The following NPFFR2 variants were observed in gnomAD, a reference collection of about 807,000 sequenced individuals.
NPFFR2 encodes the protein neuropeptide FF receptor 2, also known as G-protein coupled receptor 74.
In NPFFR2, 15 loss-of-function variants were observed where a neutral mutation model predicts 13.1. The ratio of observed to expected loss-of-function variants is 1.15; its 90% CI spans 0.77 to 1.76. NPFFR2 has a LOEUF of 1.76. NPFFR2 is among the 40% of genes most tolerant of loss of function. The pLI, the probability that NPFFR2 is intolerant of heterozygous loss-of-function variation, is 0.00. For synonymous variants in NPFFR2, 190 were observed against 175.7 expected (o/e 1.08, Z -0.65); for missense variants, 572 against 503.5 (o/e 1.14, Z -1.30).
At chr4:72,134,609 A>C (rs972415104) in intron 2 of NPFFR2, among the ~76,000 whole-genome samples, 3 of 152,136 alleles carry the variant, frequency 2.0e-5, no homozygotes, top group Non-Finnish European at 4.4e-5. Flanking sequence ...CTCTCTTATA[A>C]AATGTTTTTC....
At chr4:72,105,056 T>A (rs1343849139) in intron 1 of NPFFR2, among the ~76,000 whole-genome samples, 2 of 121,732 alleles carry the variant, frequency 1.6e-5, no homozygotes, top group Non-Finnish European at 3.8e-5. Flanking sequence ...TTTCTAGGGA[T>A]GTATGTATGC....
chr4:72,123,714 CCCTTCATG>C (rs1721957624), intron 1 of NPFFR2, among the ~76,000 whole-genome samples: 1 of 152,082 alleles, frequency 6.6e-6, no homozygotes, highest in African/African-American at 2.4e-5. Context: ...AATTCAACAG[CCCTTCATG>C]CTAAAAACTC....
intron 1 of NPFFR2, among the ~76,000 whole-genome samples, chr4:72,124,194 A>C (rs535821906): frequency 1.4e-3 from 212 of 152,282 alleles, no homozygotes; most frequent in African/African-American, 4.7e-3. Context: ...ACCTAGGAAT[A>C]CAACTTACAA....
chr4:72,102,596 A>C (rs1038670961), intron 1 of NPFFR2, among the ~76,000 whole-genome samples: 1 of 136,420 alleles, frequency 7.3e-6, no homozygotes, highest in Non-Finnish European at 1.5e-5. Context: ...TCATTGTTCA[A>C]TTCCCACCTA....
chr4:72,057,821 ATAG>A (rs1302008110), intron 1 of NPFFR2, among the ~76,000 whole-genome samples: 2 of 152,008 alleles, frequency 1.3e-5, no homozygotes, highest in African/African-American at 4.8e-5. Context: ...AATGTCATCA[ATAG>A]TAGTACAAAT....
chr4:72,100,709 T>C (rs1721217031), intron 1 of NPFFR2, among the ~76,000 whole-genome samples: 2 of 152,102 alleles, frequency 1.3e-5, no homozygotes, highest in Non-Finnish European at 2.9e-5. Context: ...ATAGTTTCCC[T>C]GTTAATATAA....
At chr4:72,084,854 G>A (rs28416048) in intron 1 of NPFFR2, among the ~76,000 whole-genome samples, 3,968 of 152,102 alleles carry the variant, frequency 0.026, 143 homozygotes, top group African/African-American at 0.079. Context: ...CACAGCACTA[G>A]GCAGCTGGAA....
chr4:72,105,096 A>G (rs368478501), intron 1 of NPFFR2, among the ~76,000 whole-genome samples: 8 of 151,648 alleles, frequency 5.3e-5, no homozygotes, highest in African/African-American at 1.4e-4. Context: ...TGATTTTTCA[A>G]TGTAATATAT....
chr4:72,053,922 T>G (rs1719664609), intron 1 of NPFFR2, among the ~76,000 whole-genome samples: 1 of 151,948 alleles, frequency 6.6e-6, no homozygotes, highest in Non-Finnish European at 1.5e-5. Flanking sequence ...AGGTCTCCTT[T>G]CTCAAATTCC....
At chr4:72,066,462 A>G (rs1720075010) in intron 1 of NPFFR2, among the ~76,000 whole-genome samples, 1 of 152,178 alleles carries the variant, frequency 6.6e-6, no homozygotes, top group African/African-American at 2.4e-5. Flanking sequence ...TCTAGTATCA[A>G]CTTAAAAGTC....
intron 1 of NPFFR2, 67 bp from the exon 2 acceptor site, chr4:72,128,512 TAAACTC>T (rs1337219806): frequency 6.6e-6 from 6 of 904,634 alleles, no homozygotes; most frequent in African/African-American, 1.7e-5. Context: ...GTGTTCCTCT[TAAACTC>T]AGGCACAGAA....
rs1225173931 is a variant in NPFFR2 at position 72,080,134 on chromosome 4, G to GT, written c.-8+47940dup. ...AATTTCTTTTGAAATATAAATACCT[G>GT]TTTTTTGTTGTTGTTGTTGTTGTTT... On this transcript the variant is annotated intron_variant, in intron 1 of 3. Coordinates refer to ENST00000308744, the MANE Select transcript of NPFFR2 (RefSeq NM_004885.3). Among the ~76,000 whole-genome samples the GT allele has an allele frequency of 5.9e-5, 8 of 134,746 alleles. No homozygotes were observed. The East Asian group carries it at 8.3e-4, about 14-fold the overall frequency. 88.4% of individuals were successfully genotyped at this position (134,746 alleles called of 152,430 possible).
At chr4:72,138,609 C>A (rs1420439701) in intron 3 of NPFFR2, among the ~76,000 whole-genome samples, 2 of 152,258 alleles carry the variant, frequency 1.3e-5, no homozygotes, top group East Asian at 3.9e-4. Context: ...TTTATGGCTG[C>A]ATAGTATTCC....
intron 1 of NPFFR2, among the ~76,000 whole-genome samples, chr4:72,101,907 A>T (rs372468182): frequency 3.9e-5 from 6 of 152,112 alleles, no homozygotes; most frequent in African/African-American, 1.2e-4. Flanking sequence ...CAAAATAAAC[A>T]TACAAATATT....
intron 3 of NPFFR2, among the ~76,000 whole-genome samples, chr4:72,141,626 A>T (rs147052940): frequency 2.0e-5 from 3 of 152,124 alleles, no homozygotes; most frequent in African/African-American, 7.2e-5. Context: ...TCTGAGTGAC[A>T]GTTTGTTGTG....
intron 2 of NPFFR2, 131 bp downstream of exon 2, chr4:72,129,050 A>T: frequency 1.5e-6 from 1 of 664,822 alleles, no homozygotes; most frequent in South Asian, 2.1e-5. Context: ...TGATCCAGGC[A>T]CCTGCCCTCA....
At chr4:72,108,482 A>G (rs564031026) in intron 1 of NPFFR2, among the ~76,000 whole-genome samples, 2 of 152,100 alleles carry the variant, frequency 1.3e-5, no homozygotes, top group Admixed American at 1.3e-4. Context: ...AACTCAGTTA[A>G]TATCTTCTTG....
intron 1 of NPFFR2, among the ~76,000 whole-genome samples, chr4:72,110,807 A>G (rs555118265): frequency 2.0e-5 from 3 of 152,026 alleles, no homozygotes; most frequent in Non-Finnish European, 4.4e-5. Flanking sequence ...AAATCATACA[A>G]TCCTAATAGA....
At chr4:72,042,237 A>G (rs6446804) in intron 1 of NPFFR2, among the ~76,000 whole-genome samples, 135,204 of 151,966 alleles carry the variant, frequency 0.89, 61,286 homozygotes, top group Non-Finnish European at 0.98. Flanking sequence ...GTGAAGAAGG[A>G]AATGTTTGCT....
Sources: allele counts gnomAD v4.1 joint callset (sites outside exome capture counted in the v4.1 genomes callset), GRCh38; gene constraint gnomAD v4.1.1; transcripts MANE v1.5; gene names NCBI Gene and HGNC (gene_info 2026-07-23, HGNC 2026-07-21).